COL24A1: variants seen among roughly 807,000 people sequenced by gnomAD.
The protein encoded by COL24A1 is collagen alpha-1(XXIV) chain.
Under a neutral mutation model 253.9 loss-of-function variants are expected in COL24A1, and 224 were observed. The observed-to-expected ratio is 0.88, with a 90% CI of 0.79 to 0.99. COL24A1 has a LOEUF of 0.99. Among genes scored for constraint, COL24A1 ranks in the 50% least tolerant of loss-of-function variants. The pLI is 0.00. For synonymous variants in COL24A1, 685 were observed against 673.7 expected, an observed-to-expected ratio of 1.02 and a Z score of -0.26; for missense variants, 2,131 against 2,068.5, an observed-to-expected ratio of 1.03 and a Z score of -0.59.
At chr1:85,936,505 C>A (rs1296769760) in intron 24 of COL24A1, among the ~76,000 whole-genome samples, 1 of 147,032 alleles carries the variant, frequency 6.8e-6, no homozygotes, top group Non-Finnish European at 1.5e-5. Flanking sequence ...GATCTGATTG[C>A]ACAGGTATTT....
At chr1:86,136,639 G>T (rs12117437) in intron 2 of COL24A1, among the ~76,000 whole-genome samples, 1 of 151,918 alleles carries the variant, frequency 6.6e-6, no homozygotes, top group African/African-American at 2.4e-5. Context: ...AAATGGTAGC[G>T]ATGCATTTGA....
intron 24 of COL24A1, among the ~76,000 whole-genome samples, chr1:85,924,054 A>G (rs1686882345): frequency 1.3e-5 from 2 of 152,230 alleles, no homozygotes; most frequent in African/African-American, 4.8e-5. Context: ...CTAGGCAAAT[A>G]AACTAGAAAA....
At chr1:85,857,582 A>T (rs1169510590) in intron 37 of COL24A1, among the ~76,000 whole-genome samples, 1 of 152,170 alleles carries the variant, frequency 6.6e-6, no homozygotes, top group African/African-American at 2.4e-5. Flanking sequence ...CAATTAGCAC[A>T]AATAACACCT....
chr1:85,745,526 T>C lies in COL24A1; in HGVS notation c.4438-20A>G. The C allele has an allele frequency of 6.3e-7, 1 of 1,593,286 alleles. No homozygotes were observed. The highest frequency in any genetic ancestry group is 8.6e-7 in the Non-Finnish European group (1 of 1,167,354). On this transcript the variant is annotated intron_variant, in intron 55 of 59. Transcript: ENST00000370571. ...TTGCTTCTGTGTAAAACAAAACCAT[T>C]TGAGATTAGCAATAAGATCAACACT...
intron 52 of COL24A1, among the ~76,000 whole-genome samples, chr1:85,778,500 C>T (rs1668822833): frequency 6.6e-6 from 1 of 151,444 alleles, no homozygotes; most frequent in African/African-American, 2.4e-5. Context: ...ATCTTTTTTC[C>T]ATACAAAATG....
chr1:85,789,032 T>C (rs1003953148), intron 47 of COL24A1, among the ~76,000 whole-genome samples: 48 of 152,364 alleles, frequency 3.2e-4, no homozygotes, highest in African/African-American at 1.1e-3. Context: ...TCAGATAGTC[T>C]TGGCTATACG....
In COL24A1 at chr1:86,089,168, A is replaced by G. The variant is rs560550022; in HGVS notation, c.1707+6T>C. On this transcript the variant is annotated splice_donor_region_variant and intron_variant, in intron 7 of 59. Coordinates refer to ENST00000370571, the MANE Select transcript of COL24A1 (RefSeq NM_152890.7). ...AAAAAAGAAAAGAAGTAAAATTCCA[A>G]CTTACCTTATCACCTTGCATACCAG... 13 of 1,572,170 alleles carry G rather than the reference A, an allele frequency of 8.3e-6. No individual in the cohort carries two copies. The highest frequency in any genetic ancestry group is 1.7e-4 in the Middle Eastern group (1 of 5,822).
intron 24 of COL24A1, among the ~76,000 whole-genome samples, chr1:85,932,508 C>G (rs1312678041): frequency 1.6e-5 from 2 of 124,448 alleles, no homozygotes; most frequent in Non-Finnish European, 3.3e-5. Flanking sequence ...ACTAGTCCAA[C>G]CATTGTGGAA....
At chr1:85,864,306 A>C (rs1230302175) in intron 37 of COL24A1, among the ~76,000 whole-genome samples, 1 of 151,802 alleles carries the variant, frequency 6.6e-6, no homozygotes, top group Non-Finnish European at 1.5e-5. Flanking sequence ...AAGGACAAAA[A>C]ACCAAACACC....
chr1:85,865,463 G>C (rs1459198230), intron 37 of COL24A1, among the ~76,000 whole-genome samples: 3 of 152,140 alleles, frequency 2.0e-5, no homozygotes, highest in Non-Finnish European at 2.9e-5. Flanking sequence ...ATGTGTACTA[G>C]GCATGATTTT....
intron 7 of COL24A1, among the ~76,000 whole-genome samples, chr1:86,079,716 G>T (rs1180571044): frequency 1.3e-5 from 2 of 152,100 alleles, no homozygotes; most frequent in East Asian, 1.9e-4. Context: ...GATCATCAAA[G>T]AAATGCAAAT....
At chr1:85,943,425 A>G (rs576637032) in intron 24 of COL24A1, among the ~76,000 whole-genome samples, 1 of 152,334 alleles carries the variant, frequency 6.6e-6, no homozygotes, top group East Asian at 1.9e-4. Context: ...CCCTCTGAAG[A>G]ATCCTGACTA....
At chr1:86,023,165 T>A (rs1454929434) in intron 14 of COL24A1, among the ~76,000 whole-genome samples, 158 bp from the exon 15 acceptor site, 1 of 152,204 alleles carries the variant, frequency 6.6e-6, no homozygotes, top group East Asian at 1.9e-4. Flanking sequence ...TCCACATTTA[T>A]AAATCATACC....
intron 5 of COL24A1, among the ~76,000 whole-genome samples, chr1:86,111,924 C>T (rs1016045005): frequency 5.3e-5 from 8 of 152,128 alleles, no homozygotes; most frequent in African/African-American, 1.9e-4. Flanking sequence ...GAAGAAACTG[C>T]GAACATGTCC....
At chr1:85,979,701 CAA>C (rs71078632) in intron 20 of COL24A1, among the ~76,000 whole-genome samples, 104 of 143,582 alleles carry the variant, frequency 7.2e-4, no homozygotes, top group East Asian at 2.4e-3. Context: ...TAAAAACTGC[CAA>C]AAAAAAAAAA....
intron 5 of COL24A1, among the ~76,000 whole-genome samples, chr1:86,093,754 A>G (rs1487676965): frequency 6.6e-6 from 1 of 152,198 alleles, no homozygotes; most frequent in East Asian, 1.9e-4. Flanking sequence ...ACAAAGGTCA[A>G]ATACCCAGCA....
chr1:85,850,041 G>A (rs2170331), intron 37 of COL24A1, among the ~76,000 whole-genome samples: 29,499 of 151,940 alleles, frequency 0.19, 3,241 homozygotes, highest in Non-Finnish European at 0.24. Flanking sequence ...AATACAGAGA[G>A]AAAAAGGAGG....
In COL24A1 at chr1:86,126,061, G is replaced by A; in HGVS notation, c.275C>T (p.Thr92Ile). The A allele has an allele frequency of 1.2e-6, 2 of 1,613,590 alleles. No homozygotes were observed. The highest frequency in any genetic ancestry group is 1.7e-6 in the Non-Finnish European group (2 of 1,179,774). ...VIFKNDAYIE[T>I]PFVKILPVNL... ...GACTGGTAAAATTTTCACGAAAGGT[G>A]TCTCGATATAAGCATCATTTTTAAA... The change falls in exon 3 of 60, where the codon ACA (threonine) becomes ATA (isoleucine). Residue 92 changes from threonine (T) to isoleucine (I), a missense_variant. Transcript: ENST00000370571.
intron 43 of COL24A1, among the ~76,000 whole-genome samples, chr1:85,830,416 C>T (rs1349487432): frequency 1.3e-5 from 2 of 152,146 alleles, no homozygotes; most frequent in Non-Finnish European, 2.9e-5. Context: ...CCTACAGAGG[C>T]AGGCAGGCCT....
Sources: allele counts gnomAD v4.1 joint callset (sites outside exome capture counted in the v4.1 genomes callset), GRCh38; gene constraint gnomAD v4.1.1; transcripts MANE v1.5; gene names NCBI Gene and HGNC (gene_info 2026-07-23, HGNC 2026-07-21).